BSND: variants seen among roughly 807,000 people sequenced by gnomAD.
BSND encodes barttin.
BSND carries 13 observed loss-of-function variants against 18.8 expected under a neutral mutation model. That is an observed-to-expected ratio of 0.69 (90% CI 0.45 to 1.10). The LOEUF is 1.10. Ranked by LOEUF, BSND falls within the 50% of genes least tolerant of loss-of-function variation. BSND has a pLI of 0.00. For missense variants in BSND, 379 were observed against 416.7 expected (o/e 0.91, Z 0.79); for synonymous variants, 170 against 161.8 (o/e 1.05, Z -0.39).
In BSND at chr1:55,008,634, T is replaced by C. The variant is rs775078862; in HGVS notation, c.*6T>C. The C allele has an allele frequency of 9.4e-5, 152 of 1,613,918 alleles. No individual in the cohort carries two copies. The Middle Eastern group carries it at 1.5e-3, about 16-fold the overall frequency. On this transcript the variant is annotated 3_prime_UTR_variant, in exon 4 of 4. Transcript: ENST00000651561. ...AGCCTGACACCCAAGGCTGAGATGT[T>C]TGTGCTCCGTAGCTTCTAGTCTGGA...
intron 3 of BSND, 134 bp downstream of exon 3, chr1:55,007,406 G>GAGATGTGGC: frequency 1.7e-6 from 2 of 1,198,718 alleles, no homozygotes; most frequent in Non-Finnish European, 2.3e-6. Flanking sequence ...GGGACACCCT[G>GAGATGTGGC]AGATGTGGCA....
At position 55,015,101 on chromosome 1, in the gene BSND, G is replaced by C. The variant is rs1455375948; in HGVS notation, c.*6473G>C. Among the ~76,000 whole-genome samples, 3 of 152,334 alleles carry C rather than the reference G, an allele frequency of 2.0e-5. No homozygotes were observed. In the East Asian group the frequency reaches 5.8e-4, roughly 29 times the overall value. On this transcript the variant is annotated 3_prime_UTR_variant, in exon 4 of 4. Transcript: ENST00000651561. ...GGGATTAATTGATGATTCTTGAGCA[G>C]AGGAGTGACATGAAAGAAACATTCA...
In BSND at chr1:55,013,661, G is replaced by C. The variant is rs1198909542; in HGVS notation, c.*5033G>C. On this transcript the variant is annotated 3_prime_UTR_variant, in exon 4 of 4. Transcript: ENST00000651561. ...CAGTATCAATAAGTCAGGCAGCAAG[G>C]TTCCACTGAGCATCTCCCTGTGCTA... 1.3e-5 allele frequency among the ~76,000 whole-genome samples: 2 copies of C among 152,110 alleles called. No individual in the cohort carries two copies. Among genetic ancestry groups the C allele is most frequent in the Non-Finnish European group, 2.9e-5 (2 of 68,008 alleles).
At position 55,012,127 on chromosome 1, in the gene BSND, G is replaced by A. The variant is rs1644425172; in HGVS notation, c.*3499G>A. Among the ~76,000 whole-genome samples the A allele has an allele frequency of 1.3e-5, 2 of 152,162 alleles. No homozygotes were observed. Among genetic ancestry groups the A allele is most frequent in the South Asian group, 2.1e-4 (1 of 4,826 alleles). On this transcript the variant is annotated 3_prime_UTR_variant, in exon 4 of 4. Transcript: ENST00000651561. ...TGGAAAGGGTGGGCAAGGGAAGGCA[G>A]GGGGCCCAGGGGCAGGGAACCTGGG...
At chr1:55,001,310 G>A (rs899068585) in intron 1 of BSND, among the ~76,000 whole-genome samples, 1 of 151,840 alleles carries the variant, frequency 6.6e-6, no homozygotes, top group Non-Finnish European at 1.5e-5. Flanking sequence ...TAGGATTGAG[G>A]ATTGGTATTT....
chr1:55,007,205 G>T lies in BSND; in HGVS notation c.481G>T (p.Ala161Ser). 1 of 1,614,114 alleles carries T rather than the reference G, an allele frequency of 6.2e-7. No homozygotes were observed. Among genetic ancestry groups the T allele is most frequent in the Non-Finnish European group, 8.5e-7 (1 of 1,179,948 alleles). Residue 161 changes from alanine (A) to serine (S), a missense_variant, in exon 3 of 4, where the codon GCC (alanine) becomes TCC (serine). Physicochemically the swap from Ala to Ser is moderately conservative, Grantham distance 99. Transcript: ENST00000651561. Reference sequence around the variant, plus strand: ...CGACGTTCAGGCCTGGATGGAGGCTGCCGTGGTCATCCACAAGGGCTCAGA... The same window carrying T: ...CGACGTTCAGGCCTGGATGGAGGCTTCCGTGGTCATCCACAAGGGCTCAGA... Reference protein sequence around the residue: ...PGDVQAWMEAAVVIHKGSDES... With the variant: ...PGDVQAWMEASVVIHKGSDES...
At position 55,008,854 on chromosome 1, in the gene BSND, T is replaced by A. The variant is rs1484164094; in HGVS notation, c.*226T>A. ...TTGGCCAACCTTTGAAGGCAAAATA[T>A]GATTTGTTGAGGTTTGCAGCAGCTG... On this transcript the variant is annotated 3_prime_UTR_variant, in exon 4 of 4. Transcript: ENST00000651561. The A allele has an allele frequency of 3.0e-6, 2 of 664,136 alleles. No individual in the cohort carries two copies. The highest frequency in any genetic ancestry group is 5.1e-6 in the Non-Finnish European group (2 of 394,696). The allele number at this position is 664,136 out of a possible 1,614,324, so 41.1% of individuals were successfully genotyped here.
chr1:55,001,201 C>CGT (rs36051858), intron 1 of BSND, among the ~76,000 whole-genome samples: 6,355 of 136,914 alleles, frequency 0.046, 204 homozygotes, highest in East Asian at 0.19. Flanking sequence ...ACAGTGGGAT[C>CGT]GTGTGTGTGT....
In BSND at chr1:55,012,031, T is replaced by A. The variant is rs1408073569; in HGVS notation, c.*3403T>A. ...TGCTCTTGGTCACTCTCCTGTCAGG[T>A]TGGAGGGACTCTGGAAGTTTCCACC... On this transcript the variant is annotated 3_prime_UTR_variant, in exon 4 of 4. Transcript: ENST00000651561. 1.3e-5 allele frequency among the ~76,000 whole-genome samples: 2 copies of A among 152,080 alleles called. No homozygotes were observed. The highest frequency in any genetic ancestry group is 2.9e-5 in the Non-Finnish European group (2 of 67,982).
At chr1:55,006,276 G>T (rs995223355) in intron 2 of BSND, among the ~76,000 whole-genome samples, 1 of 152,142 alleles carries the variant, frequency 6.6e-6, no homozygotes, top group Non-Finnish European at 1.5e-5. Flanking sequence ...TACAGTGGGG[G>T]CTCCGGCCAC....
At position 55,013,976 on chromosome 1, in the gene BSND, C is replaced by A. The variant is rs1222645402; in HGVS notation, c.*5348C>A. ...CTGGAGCCTGAATTAGCCCTGCTCT[C>A]CCCTTCCACGGTGGAATCCATCTCC... On this transcript the variant is annotated 3_prime_UTR_variant, in exon 4 of 4. Coordinates refer to ENST00000651561, the MANE Select transcript of BSND (RefSeq NM_057176.3). Among the ~76,000 whole-genome samples the A allele has an allele frequency of 6.6e-6, 1 of 152,180 alleles. No homozygotes were observed. The highest frequency in any genetic ancestry group is 2.4e-5 in the African/African-American group (1 of 41,444).
rs895569410 is a variant in BSND, at chr1:55,013,617, A to C, written c.*4989A>C. Among the ~76,000 whole-genome samples, 5 of 152,150 alleles carry C rather than the reference A, an allele frequency of 3.3e-5. No individual in the cohort carries two copies. The highest frequency in any genetic ancestry group is 9.7e-5 in the African/African-American group (4 of 41,416). The stretch of plus-strand genomic sequence containing the variant: ...AGTAGCCCCAGGCCATTCTGACCCT[A>C]GTGGGACAGGAGAAAAATCAGTATC... On this transcript the variant is annotated 3_prime_UTR_variant, in exon 4 of 4. Coordinates refer to ENST00000651561, the MANE Select transcript of BSND (RefSeq NM_057176.3).
At chr1:55,000,457 G>A (rs941097082) in intron 1 of BSND, among the ~76,000 whole-genome samples, 15 of 151,522 alleles carry the variant, frequency 9.9e-5, no homozygotes, top group African/African-American at 3.1e-4. Flanking sequence ...GAGTTAGGAG[G>A]GGGGGGTGGG....
chr1:55,004,822 C>A (rs1372708353), intron 1 of BSND, among the ~76,000 whole-genome samples, 200 bp from the exon 2 acceptor site: 1 of 152,204 alleles, frequency 6.6e-6, no homozygotes, highest in Non-Finnish European at 1.5e-5. Flanking sequence ...AATGAAGAAC[C>A]AGGAAGGGAG....
intron 1 of BSND, among the ~76,000 whole-genome samples, chr1:55,002,107 C>G (rs547401346): frequency 1.3e-5 from 2 of 152,286 alleles, no homozygotes; most frequent in African/African-American, 4.8e-5. Flanking sequence ...TGACAGTCAT[C>G]TGGAATAATG....
rs1644359147 is a variant in BSND at position 55,001,105 on chromosome 1, T to G, written c.177+1742T>G. 2.0e-5 allele frequency among the ~76,000 whole-genome samples: 3 copies of G among 152,288 alleles called. 1 individual carries two copies. The South Asian group carries it at 6.2e-4, about 32-fold the overall frequency. On this transcript the variant is annotated intron_variant, in intron 1 of 3. Coordinates refer to ENST00000651561, the MANE Select transcript of BSND (RefSeq NM_057176.3). ...ACCTCCAGGCCCAGATTCAAATCCC[T>G]GCTCCTTCATGTCCCACTTCTGTGA...
Position 55,013,126 on chromosome 1 carries a change from T to G in BSND, c.*4498T>G, listed in dbSNP as rs147799799. ...TTTTCTTCATTTCATCCTCGCAGCTTGCAAGGTTGGTGTATTGTCCCCATT... is the reference window on the plus strand; with the variant it reads ...TTTTCTTCATTTCATCCTCGCAGCTGGCAAGGTTGGTGTATTGTCCCCATT... On this transcript the variant is annotated 3_prime_UTR_variant, in exon 4 of 4. Transcript: ENST00000651561. 9.5e-3 allele frequency among the ~76,000 whole-genome samples: 1,441 copies of G among 152,324 alleles called. 12 individuals carry two copies. Among genetic ancestry groups the G allele is most frequent in the African/African-American group, 0.032 (1,339 of 41,568 alleles).
At chr1:55,000,751 A>C (rs1644357599) in intron 1 of BSND, among the ~76,000 whole-genome samples, 1 of 152,222 alleles carries the variant, frequency 6.6e-6, no homozygotes, top group South Asian at 2.1e-4. Flanking sequence ...TGTCTGTGCA[A>C]TTCCTTGAGC....
intron 1 of BSND, among the ~76,000 whole-genome samples, chr1:55,001,201 CGTGTGTGTGTGTGTGTGTGTGTGTGT>C (rs36051858): frequency 3.7e-5 from 5 of 136,910 alleles, no homozygotes; most frequent in South Asian, 2.5e-4. Flanking sequence ...ACAGTGGGAT[CGTGTGTGTGTGTGTGTGTGTGTGTGT>C]GTGTGTGTGT....
Sources: gnomAD v4.1 joint callset for allele counts (sites outside exome capture counted in the v4.1 genomes callset) on GRCh38, gnomAD v4.1.1 for gene constraint, MANE v1.5 for transcripts, NCBI Gene and HGNC (gene_info 2026-07-23, HGNC 2026-07-21) for gene names.